Variants in PTPRD observed in about 807,000 individuals in gnomAD.
PTPRD encodes receptor-type tyrosine-protein phosphatase delta.
A neutral mutation model predicts 214.5 loss-of-function variants in PTPRD; 34 were observed. That is an observed-to-expected ratio of 0.16 (90% CI 0.12 to 0.21). PTPRD has a LOEUF of 0.21. Ranked by LOEUF, PTPRD falls within the 10% of genes least tolerant of loss-of-function variation. The pLI, the probability that PTPRD is intolerant of heterozygous loss-of-function variation, is 1.00. For synonymous variants in PTPRD, 1,128 were observed against 845.7 expected, an observed-to-expected ratio of 1.33 and a Z score of -5.79; for missense variants, 2,545 against 2,398.7, an observed-to-expected ratio of 1.06 and a Z score of -1.27.
chr9:8,451,869 T>C (rs781424218), intron 33 of PTPRD: 2 of 497,924 alleles, frequency 4.0e-6, no homozygotes, highest in African/African-American at 1.9e-5. Context: ...GAAATATCTA[T>C]CTGGGCAAGA....
chr9:10,593,074 C>T (rs986267687), intron 2 of PTPRD, among the ~76,000 whole-genome samples: 4 of 151,966 alleles, frequency 2.6e-5, no homozygotes, highest in South Asian at 2.1e-4. Flanking sequence ...AGCAAGACCA[C>T]GAACCCACCA....
Position 8,517,852 on chromosome 9 carries a change from T to G in PTPRD, c.1539A>C (p.Thr513=), listed in dbSNP as rs758127414. The change falls in exon 21 of 46, where the codon ACA becomes ACC. Residue 513 remains threonine, a synonymous_variant. Transcript: ENST00000381196. ...TCCCTCCTCAACCAAACTTACCTCCTGTCTGAGTGATGACTTGTATGTCAC... is the reference window on the plus strand; with the variant it reads ...TCCCTCCTCAACCAAACTTACCTCCGGTCTGAGTGATGACTTGTATGTCAC... The part of the protein sequence containing the change: ...LSSDIQVITQ[T]GVPGQPLNFK... The G allele has an allele frequency of 6.2e-7, 1 of 1,611,974 alleles. No individual in the cohort carries two copies. Among genetic ancestry groups the G allele is most frequent in the Admixed American group, 1.7e-5 (1 of 59,918 alleles).
chr9:10,576,530 G>A (rs1422520524), intron 2 of PTPRD, among the ~76,000 whole-genome samples: 1 of 152,114 alleles, frequency 6.6e-6, no homozygotes, highest in Non-Finnish European at 1.5e-5. Context: ...GAAATAAGGT[G>A]ACTGAAAGAC....
At chr9:9,794,521 G>C (rs565678531) in intron 5 of PTPRD, among the ~76,000 whole-genome samples, 2 of 152,110 alleles carry the variant, frequency 1.3e-5, no homozygotes, top group East Asian at 1.9e-4. Context: ...GACAAAAATA[G>C]AGAGGTAAGT....
At chr9:10,499,354 C>T (rs1045566253) in intron 2 of PTPRD, among the ~76,000 whole-genome samples, 1 of 151,832 alleles carries the variant, frequency 6.6e-6, no homozygotes, top group Admixed American at 6.6e-5. Flanking sequence ...TTACTAAACT[C>T]GATAGATTAT....
At chr9:10,474,579 A>G (rs1242348065) in intron 2 of PTPRD, among the ~76,000 whole-genome samples, 1 of 152,118 alleles carries the variant, frequency 6.6e-6, no homozygotes, top group Non-Finnish European at 1.5e-5. Flanking sequence ...TAGATCAAAG[A>G]GGCAGAAAAT....
At chr9:9,052,342 A>T (rs906646406) in intron 10 of PTPRD, among the ~76,000 whole-genome samples, 2 of 152,192 alleles carry the variant, frequency 1.3e-5, no homozygotes, top group Non-Finnish European at 2.9e-5. Flanking sequence ...TATTCATAAC[A>T]TCATTGTATG....
chr9:9,033,959 T>A (rs1478906450), intron 10 of PTPRD, among the ~76,000 whole-genome samples: 1 of 152,172 alleles, frequency 6.6e-6, no homozygotes, highest in African/African-American at 2.4e-5. Context: ...CCATTAATTT[T>A]ACCTGAATAA....
chr9:8,968,306 T>A (rs1158434393), intron 11 of PTPRD, among the ~76,000 whole-genome samples: 1 of 152,114 alleles, frequency 6.6e-6, no homozygotes, highest in Non-Finnish European at 1.5e-5. Flanking sequence ...TATTTCTAGT[T>A]CTAGGTCCTT....
intron 11 of PTPRD, among the ~76,000 whole-genome samples, chr9:8,918,125 C>G (rs565791828): frequency 2.8e-4 from 42 of 152,266 alleles, no homozygotes; most frequent in African/African-American, 9.1e-4. Context: ...CTCGAGCAGC[C>G]AGACAGCCCT....
intron 2 of PTPRD, among the ~76,000 whole-genome samples, chr9:10,505,821 T>C (rs545937738): frequency 2.6e-5 from 4 of 152,218 alleles, no homozygotes; most frequent in African/African-American, 4.8e-5. Flanking sequence ...CAGGAAATTA[T>C]TCATAACAGA....
intron 2 of PTPRD, among the ~76,000 whole-genome samples, chr9:10,511,934 G>GTA (rs201595111): frequency 0.015 from 952 of 62,804 alleles, 24 homozygotes; most frequent in African/African-American, 0.03. Flanking sequence ...ATATATACGT[G>GTA]TATATATATA....
intron 12 of PTPRD, among the ~76,000 whole-genome samples, chr9:8,679,961 T>C (rs961825064): frequency 3.3e-5 from 5 of 152,214 alleles, no homozygotes; most frequent in East Asian, 1.9e-4. Flanking sequence ...AAAAGATCAA[T>C]TGGCCAGAAA....
chr9:10,384,923 C>T (rs1466766868), intron 2 of PTPRD, among the ~76,000 whole-genome samples: 1 of 151,784 alleles, frequency 6.6e-6, no homozygotes, highest in Non-Finnish European at 1.5e-5. Context: ...TGTGGACTCT[C>T]ACTGGGATTC....
intron 10 of PTPRD, among the ~76,000 whole-genome samples, chr9:9,043,945 A>T (rs913169172): frequency 1.3e-5 from 2 of 148,320 alleles, no homozygotes; most frequent in South Asian, 2.1e-4. Flanking sequence ...AAAATAAAAT[A>T]AAATAAAATA....
intron 2 of PTPRD, among the ~76,000 whole-genome samples, chr9:10,511,539 G>A (rs1292550351): frequency 1.3e-5 from 2 of 150,650 alleles, no homozygotes; most frequent in Admixed American, 1.3e-4. Context: ...GAGTAGCTAG[G>A]ACTACAGGTG....
At chr9:8,658,111 T>C (rs1220218186) in intron 12 of PTPRD, among the ~76,000 whole-genome samples, 1 of 152,174 alleles carries the variant, frequency 6.6e-6, no homozygotes, top group East Asian at 1.9e-4. Context: ...ATGTAGAAGT[T>C]AAACTGATTC....
chr9:8,611,434 G>C (rs981799337), intron 14 of PTPRD, among the ~76,000 whole-genome samples: 3 of 152,180 alleles, frequency 2.0e-5, no homozygotes, highest in Non-Finnish European at 4.4e-5. Context: ...GCCAGGCGTA[G>C]TGGCTCACAC....
At chr9:8,661,859 T>C (rs180725095) in intron 12 of PTPRD, among the ~76,000 whole-genome samples, 2 of 152,354 alleles carry the variant, frequency 1.3e-5, no homozygotes, top group African/African-American at 2.4e-5. Flanking sequence ...ATTTTGTACA[T>C]TTCACTAAAT....
Sources: allele counts gnomAD v4.1 joint callset (sites outside exome capture counted in the v4.1 genomes callset), GRCh38; gene constraint gnomAD v4.1.1; transcripts MANE v1.5; gene names NCBI Gene and HGNC (gene_info 2026-07-23, HGNC 2026-07-21).